Variants in DLGAP2 observed in about 807,000 individuals in gnomAD.
The protein encoded by DLGAP2 is DLG associated protein 2.
A neutral mutation model predicts 100.3 loss-of-function variants in DLGAP2; 26 were observed. The ratio of observed to expected loss-of-function variants is 0.26; its 90% CI spans 0.19 to 0.36. The LOEUF (loss-of-function observed/expected upper bound fraction) is 0.36, where lower values mean the gene tolerates loss of function less well. Ranked by LOEUF, DLGAP2 falls within the 10% of genes least tolerant of loss-of-function variation. The pLI, the probability that DLGAP2 is intolerant of heterozygous loss-of-function variation, is 1.00. For missense variants in DLGAP2, 1,858 were observed against 1,453.2 expected (o/e 1.28, Z -4.53); for synonymous variants, 886 against 630.1 (o/e 1.41, Z -6.08).
chr8:1,364,681 T>A (rs1802068701), intron 3 of DLGAP2, among the ~76,000 whole-genome samples: 1 of 152,238 alleles, frequency 6.6e-6, no homozygotes, highest in South Asian at 2.1e-4. Flanking sequence ...AAAGCTCGAC[T>A]GGCAAGGAGG....
At chr8:1,554,623 G>A (rs1801894213) in intron 5 of DLGAP2, among the ~76,000 whole-genome samples, 1 of 152,124 alleles carries the variant, frequency 6.6e-6, no homozygotes, top group Admixed American at 6.5e-5. Flanking sequence ...TATCTAGGAG[G>A]GTCCAACACA....
intron 10 of DLGAP2, among the ~76,000 whole-genome samples, chr8:1,671,611 C>G (rs1798692544): frequency 6.6e-6 from 1 of 152,190 alleles, no homozygotes; most frequent in Admixed American, 6.5e-5. Flanking sequence ...GGTTTGAATT[C>G]AGGATTCTCA....
At chr8:894,128 G>A (rs1798092618) in intron 1 of DLGAP2, among the ~76,000 whole-genome samples, 1 of 152,176 alleles carries the variant, frequency 6.6e-6, no homozygotes, top group African/African-American at 2.4e-5. Flanking sequence ...CTCTCCCATG[G>A]CCACTGCAAT....
chr8:1,376,098 G>A (rs925740707), intron 3 of DLGAP2, among the ~76,000 whole-genome samples: 1 of 139,858 alleles, frequency 7.2e-6, no homozygotes, highest in Non-Finnish European at 1.5e-5. Flanking sequence ...TTGGGTTAAC[G>A]ACACCTCTCC....
chr8:1,139,420 A>G (rs190149349), intron 2 of DLGAP2, among the ~76,000 whole-genome samples: 1 of 152,256 alleles, frequency 6.6e-6, no homozygotes, highest in East Asian at 1.9e-4. Context: ...CAGGTGTGGA[A>G]TCTATGGATG....
intron 2 of DLGAP2, among the ~76,000 whole-genome samples, chr8:1,045,158 T>C (rs1430253080): frequency 1.3e-5 from 2 of 152,204 alleles, no homozygotes; most frequent in African/African-American, 4.8e-5. Flanking sequence ...CCCTGCAATG[T>C]CCAGTCTGCT....
chr8:1,051,193 C>T (rs1277968453), intron 2 of DLGAP2, among the ~76,000 whole-genome samples: 5 of 151,968 alleles, frequency 3.3e-5, no homozygotes, highest in African/African-American at 9.7e-5. Context: ...AGCACCACCT[C>T]GAAGCACAAC....
chr8:1,429,973 A>AT (rs1797365414), intron 3 of DLGAP2, among the ~76,000 whole-genome samples: 1 of 84,422 alleles, frequency 1.2e-5, no homozygotes, highest in Non-Finnish European at 2.6e-5. Flanking sequence ...CATCCTGCAG[A>AT]ATGAAAGCAG....
chr8:1,573,565 G>C (rs956740168), intron 6 of DLGAP2, among the ~76,000 whole-genome samples: 1 of 152,100 alleles, frequency 6.6e-6, no homozygotes, highest in Non-Finnish European at 1.5e-5. Flanking sequence ...TCTTGCTTAA[G>C]TTATATTTAG....
At chr8:1,080,895 T>C (rs1027491009) in intron 2 of DLGAP2, among the ~76,000 whole-genome samples, 1 of 152,232 alleles carries the variant, frequency 6.6e-6, no homozygotes, top group Admixed American at 6.5e-5. Flanking sequence ...AAGGAATATA[T>C]TGCCTGGAAT....
At chr8:1,001,805 G>A (rs1215199291) in intron 2 of DLGAP2, among the ~76,000 whole-genome samples, 1 of 152,080 alleles carries the variant, frequency 6.6e-6, no homozygotes, top group Non-Finnish European at 1.5e-5. Context: ...CAAGAACAAG[G>A]AACAAGGAAG....
intron 2 of DLGAP2, among the ~76,000 whole-genome samples, chr8:1,119,493 C>T (rs144763105): frequency 1.6e-4 from 24 of 152,324 alleles, no homozygotes; most frequent in Non-Finnish European, 3.5e-4. Flanking sequence ...AGGCCCATTG[C>T]TTCTCGCAGT....
At chr8:900,755 G>C (rs1259999399) in intron 1 of DLGAP2, among the ~76,000 whole-genome samples, 2 of 152,156 alleles carry the variant, frequency 1.3e-5, no homozygotes, top group African/African-American at 4.8e-5. Flanking sequence ...AGGATGGCAG[G>C]AGCTGAGATA....
chr8:871,083 C>T (rs1797588219), intron 1 of DLGAP2, among the ~76,000 whole-genome samples: 2 of 152,214 alleles, frequency 1.3e-5, no homozygotes, highest in South Asian at 4.1e-4. Context: ...CACTGTTTGA[C>T]ATCAGTCAGA....
At chr8:1,083,741 G>A (rs1803883122) in intron 2 of DLGAP2, among the ~76,000 whole-genome samples, 2 of 152,092 alleles carry the variant, frequency 1.3e-5, no homozygotes, top group African/African-American at 4.8e-5. Flanking sequence ...ATGTGCAAGC[G>A]CCAGTACACG....
chr8:965,202 G>A (rs1446205243), intron 2 of DLGAP2, among the ~76,000 whole-genome samples: 7 of 136,130 alleles, frequency 5.1e-5, no homozygotes, highest in East Asian at 2.3e-4. Flanking sequence ...CACCACACAG[G>A]GCTCCTGAGT....
chr8:1,634,095 A>G (rs1378477936), intron 8 of DLGAP2, among the ~76,000 whole-genome samples: 1 of 152,242 alleles, frequency 6.6e-6, no homozygotes, highest in African/African-American at 2.4e-5. Flanking sequence ...TGTGGATGGA[A>G]GGGAAGGAAC....
At chr8:1,139,226 C>A (rs1327417958) in intron 2 of DLGAP2, among the ~76,000 whole-genome samples, 1 of 152,184 alleles carries the variant, frequency 6.6e-6, no homozygotes, top group African/African-American at 2.4e-5. Flanking sequence ...TCCCAGCCAC[C>A]AATGGCTGCC....
chr8:1,443,278 G>C lies in DLGAP2; in HGVS notation c.107-58088G>C, dbSNP rs371474243. 6.6e-5 allele frequency among the ~76,000 whole-genome samples: 10 copies of C among 151,686 alleles called. No homozygotes were observed. In the East Asian group the frequency reaches 1.9e-3, roughly 29 times the overall value. On this transcript the variant is annotated intron_variant, in intron 3 of 14. Transcript: ENST00000637795. ...TAACATTTGGATGTTAATACTTCCA[G>C]CCTTCCCTCCACTGCCCAGAGATAA...
Sources: gnomAD v4.1 joint callset for allele counts (sites outside exome capture counted in the v4.1 genomes callset) on GRCh38, gnomAD v4.1.1 for gene constraint, MANE v1.5 for transcripts, NCBI Gene and HGNC (gene_info 2026-07-23, HGNC 2026-07-21) for gene names.